RBFOX1: variants seen among roughly 807,000 people sequenced by gnomAD.
RBFOX1 encodes RNA binding fox-1 homolog 1.
A neutral mutation model predicts 57.7 loss-of-function variants in RBFOX1; 8 were observed. That is an observed-to-expected ratio of 0.14 (90% CI 0.08 to 0.25). The LOEUF (loss-of-function observed/expected upper bound fraction) is 0.25. RBFOX1 is among the 10% of genes least tolerant of loss of function. RBFOX1 has a pLI of 1.00. For missense variants in RBFOX1, 611 were observed against 548.5 expected, an observed-to-expected ratio of 1.11 and a Z score of -1.14; for synonymous variants, 326 against 222.4, an observed-to-expected ratio of 1.47 and a Z score of -4.15.
intron 4 of RBFOX1, among the ~76,000 whole-genome samples, chr16:7,433,490 G>C (rs1332581488): frequency 1.3e-5 from 2 of 152,242 alleles, no homozygotes; most frequent in Non-Finnish European, 2.9e-5. Context: ...AGTCCATAAT[G>C]CTGTGTTGGA....
At chr16:7,156,488 T>G (rs1022604639) in intron 4 of RBFOX1, among the ~76,000 whole-genome samples, 16 of 152,010 alleles carry the variant, frequency 1.1e-4, no homozygotes, top group African/African-American at 3.6e-4. Context: ...TAGATACACA[T>G]CTATGTGTGC....
chr16:5,678,780 G>A (rs77036034), intron 3 of RBFOX1, among the ~76,000 whole-genome samples: 3,269 of 152,202 alleles, frequency 0.021, 110 homozygotes, highest in African/African-American at 0.074. Context: ...GTGTAGAGTG[G>A]TGGCTGCTAA....
intron 1 of RBFOX1, among the ~76,000 whole-genome samples, chr16:6,287,478 G>C (rs909082957): frequency 3.4e-4 from 52 of 152,096 alleles, no homozygotes; most frequent in African/African-American, 1.2e-3. Flanking sequence ...ATGATGCTAG[G>C]TGTTAGGGCT....
chr16:7,691,199 T>TGA (rs2077239254), intron 14 of RBFOX1, among the ~76,000 whole-genome samples: 2 of 134,528 alleles, frequency 1.5e-5, no homozygotes, highest in Admixed American at 7.8e-5. Flanking sequence ...TCACTATTAT[T>TGA]GAGAACTCTG....
At chr16:6,764,708 G>T (rs557977389) in intron 3 of RBFOX1, among the ~76,000 whole-genome samples, 4 of 152,266 alleles carry the variant, frequency 2.6e-5, no homozygotes, top group East Asian at 1.9e-4. Context: ...AGGCTGAGGC[G>T]GGTAGGTCAC....
intron 3 of RBFOX1, among the ~76,000 whole-genome samples, chr16:6,849,631 T>G (rs2093958050): frequency 6.6e-6 from 1 of 152,182 alleles, no homozygotes; most frequent in Non-Finnish European, 1.5e-5. Context: ...ATTGTACCAC[T>G]GTACTGCAGC....
chr16:6,606,477 A>T (rs1037883987), intron 2 of RBFOX1, among the ~76,000 whole-genome samples: 1 of 152,090 alleles, frequency 6.6e-6, no homozygotes, highest in African/African-American at 2.4e-5. Flanking sequence ...CTAGTTATTA[A>T]GCCCCATACG....
chr16:7,041,035 C>G (rs1435819795), intron 3 of RBFOX1, among the ~76,000 whole-genome samples: 2 of 151,700 alleles, frequency 1.3e-5, no homozygotes, highest in Non-Finnish European at 2.9e-5. Context: ...CCTGCCTCAG[C>G]CCCCTGAGTA....
intron 4 of RBFOX1, among the ~76,000 whole-genome samples, chr16:7,311,739 A>G (rs2096314123): frequency 6.6e-6 from 1 of 152,134 alleles, no homozygotes; most frequent in Non-Finnish European, 1.5e-5. Context: ...GTCTCACAAA[A>G]TTCAGATGAA....
chr16:6,424,358 T>C (rs1455953278), intron 2 of RBFOX1, among the ~76,000 whole-genome samples: 2 of 152,290 alleles, frequency 1.3e-5, no homozygotes, highest in East Asian at 1.9e-4. Context: ...TAAATTGAGA[T>C]TATGTCTCAT....
At chr16:7,439,451 G>C (rs1305858377) in intron 4 of RBFOX1, among the ~76,000 whole-genome samples, 1 of 151,810 alleles carries the variant, frequency 6.6e-6, no homozygotes, top group Non-Finnish European at 1.5e-5. Context: ...CAAATCATTT[G>C]TATTCTTCTT....
intron 2 of RBFOX1, among the ~76,000 whole-genome samples, chr16:6,336,979 A>T (rs750757940): frequency 2.5e-4 from 38 of 152,218 alleles, no homozygotes; most frequent in Non-Finnish European, 4.6e-4. Flanking sequence ...GATCCAGAGC[A>T]GTTTACATTG....
chr16:6,655,964 T>C (rs916142808), intron 3 of RBFOX1, among the ~76,000 whole-genome samples: 8 of 152,178 alleles, frequency 5.3e-5, no homozygotes, highest in African/African-American at 1.9e-4. Context: ...TCTCCTCACA[T>C]TGGGAAGAAT....
intron 2 of RBFOX1, among the ~76,000 whole-genome samples, chr16:6,406,139 G>A (rs992584366): frequency 1.3e-5 from 2 of 152,280 alleles, no homozygotes; most frequent in East Asian, 3.9e-4. Context: ...AAGACCATGT[G>A]TTTTACAAGA....
chr16:6,533,506 G>T (rs1479308930), intron 2 of RBFOX1, among the ~76,000 whole-genome samples: 3 of 152,106 alleles, frequency 2.0e-5, no homozygotes, highest in Non-Finnish European at 4.4e-5. Flanking sequence ...CAGCCTCCAG[G>T]GATGGTGCTT....
intron 2 of RBFOX1, among the ~76,000 whole-genome samples, chr16:6,518,585 G>C (rs991919289): frequency 6.6e-6 from 1 of 152,164 alleles, no homozygotes; most frequent in Admixed American, 6.5e-5. Flanking sequence ...ATCCTGGGAA[G>C]GTGAAATTCA....
chr16:7,261,014 G>A (rs550624072), intron 4 of RBFOX1, among the ~76,000 whole-genome samples: 4 of 152,276 alleles, frequency 2.6e-5, no homozygotes, highest in South Asian at 4.1e-4. Flanking sequence ...GATGGTGGAA[G>A]TTTCTCCCAA....
At chr16:7,519,003 A>G (rs1600703803) in intron 5 of RBFOX1, among the ~76,000 whole-genome samples, 2 of 152,360 alleles carry the variant, frequency 1.3e-5, no homozygotes, top group East Asian at 3.9e-4. Context: ...AGCCTAGGTC[A>G]CAGAGTGAAA....
intron 4 of RBFOX1, among the ~76,000 whole-genome samples, chr16:7,085,490 A>G (rs2059852006): frequency 6.6e-6 from 1 of 152,174 alleles, no homozygotes; most frequent in South Asian, 2.1e-4. Context: ...GCTGGCATGG[A>G]TTTGACCGAT....
Sources: allele counts gnomAD v4.1 joint callset (sites outside exome capture counted in the v4.1 genomes callset), GRCh38; gene constraint gnomAD v4.1.1; transcripts MANE v1.5; gene names NCBI Gene and HGNC (gene_info 2026-07-23, HGNC 2026-07-21).